The following FANCA variants were observed in gnomAD, a reference collection of about 807,000 sequenced individuals.
The protein encoded by FANCA is FA complementation group A, also known as Fanconi anemia group A protein.
FANCA carries 236 observed loss-of-function variants against 194.3 expected under a neutral mutation model. The observed-to-expected ratio is 1.21, with a 90% confidence interval of 1.09 to 1.35. FANCA has a LOEUF of 1.35. FANCA is among the 40% of genes most tolerant of loss of function. The pLI is 0.00. For synonymous variants in FANCA, 1,014 were observed against 715.8 expected (o/e 1.42, Z -6.65); for missense variants, 2,628 against 1,813.9 (o/e 1.45, Z -8.15).
chr16:89,745,101 G>C (rs775054825), intron 35 of FANCA, 30 bp from the exon 36 acceptor site: 9 of 1,550,496 alleles, frequency 5.8e-6, no homozygotes, highest in East Asian at 2.4e-5. Flanking sequence ...ACACAGATGA[G>C]GGTGGCTGAG....
rs758975148 is a variant in FANCA at position 89,758,658 on chromosome 16, G to C, written c.2900C>G (p.Ser967Cys). Residue 967 changes from serine to cysteine, a missense_variant, in exon 30 of 43, where the codon TCC (serine) becomes TGC (cysteine). Transcript: ENST00000389301. The stretch of plus-strand genomic sequence containing the variant: ...TCCGTCACAGCCCCCTGAAGCCGAG[G>C]ACTCAGGGAGAAAGTGCTCATGGAT... ...WAIHEHFLPE[S>C]SASGGCDGDL... 6.2e-7 allele frequency: 1 copy of C among 1,614,068 alleles called. No homozygotes were observed. The highest frequency in any genetic ancestry group is 8.5e-7 in the Non-Finnish European group (1 of 1,179,954).
Position 89,773,356 on chromosome 16 carries a change from G to C in FANCA, c.1929C>G (p.Pro643=), listed in dbSNP as rs1360940645. Residue 643 remains proline (P), a synonymous_variant, in exon 22 of 43, where the codon CCC becomes CCG. Coordinates refer to ENST00000389301, the MANE Select transcript of FANCA (RefSeq NM_000135.4). ...GTCCCAGGGGCTCCTCAGCAGAGTT[G>C]GGTTCTGCCCTCACTCCCAGGGCTG... The part of the protein sequence containing the change: ...EDAALGVRAE[P]NSAEEPLGQL... 1.2e-5 allele frequency: 18 copies of C among 1,551,396 alleles called. No individual in the cohort carries two copies.
chr16:89,793,126 G>A (rs879399761), intron 11 of FANCA, among the ~76,000 whole-genome samples: 1 of 152,176 alleles, frequency 6.6e-6, no homozygotes, highest in Non-Finnish European at 1.5e-5. Flanking sequence ...CCCTCCACAA[G>A]AGGTGGAGGA....
intron 29 of FANCA, among the ~76,000 whole-genome samples, chr16:89,759,868 T>C (rs1012257040): frequency 6.6e-6 from 1 of 152,036 alleles, no homozygotes; most frequent in Admixed American, 6.5e-5. Context: ...CAAATGTGAG[T>C]GCTAGGGAGT....
chr16:89,814,859 T>G (rs2041039993), intron 2 of FANCA, among the ~76,000 whole-genome samples: 1 of 151,898 alleles, frequency 6.6e-6, no homozygotes, highest in Non-Finnish European at 1.5e-5. Flanking sequence ...GAGAATCACT[T>G]AAACCCGGGA....
At chr16:89,768,448 G>C (rs769375326) in intron 26 of FANCA, among the ~76,000 whole-genome samples, 1 of 152,042 alleles carries the variant, frequency 6.6e-6, no homozygotes, top group East Asian at 1.9e-4. Context: ...TTGAGGTCAG[G>C]AGTTCAAGAC....
chr16:89,778,657 A>AAT, intron 20 of FANCA, 144 bp downstream of exon 20: 1 of 579,108 alleles, frequency 1.7e-6, no homozygotes, highest in South Asian at 2.2e-5. Flanking sequence ...AAAAAAAAAA[A>AAT]GTAACCAACC....
At chr16:89,760,239 T>G (rs954584359) in intron 29 of FANCA, among the ~76,000 whole-genome samples, 1 of 151,630 alleles carries the variant, frequency 6.6e-6, no homozygotes, top group Non-Finnish European at 1.5e-5. Flanking sequence ...GAAACGGGGG[T>G]GAGTGAAGGA....
chr16:89,811,179 A>T, intron 3 of FANCA, 108 bp from the exon 4 acceptor site: 2 of 1,455,080 alleles, frequency 1.4e-6, no homozygotes, highest in South Asian at 2.4e-5. Flanking sequence ...CACAAAAAAA[A>T]TTGCCTTTTA....
In FANCA at chr16:89,810,650, G is replaced by A. The variant is rs2040840758; in HGVS notation, c.522+57C>T. 9.6e-6 allele frequency: 11 copies of A among 1,144,310 alleles called. No individual in the cohort carries two copies. In the South Asian group the frequency reaches 1.3e-4, roughly 14 times the overall value. 70.9% of individuals were successfully genotyped at this position (1,144,310 alleles called of 1,614,324 possible). ...CCAGGTACTCTGTTGCCTCCATCCA[G>A]ATCAACAGAACATTGCCTGGAACAC... On this transcript the variant is annotated intron_variant, in intron 5 of 42. Transcript: ENST00000389301.
intron 39 of FANCA, chr16:89,739,765 C>T (rs1200417465): frequency 1.4e-6 from 2 of 1,476,668 alleles, no homozygotes; most frequent in Non-Finnish European, 1.8e-6. Context: ...GGGTGTGGTG[C>T]AGAGAGAGGC....
intron 32 of FANCA, 109 bp downstream of exon 32, chr16:89,749,621 G>T: frequency 7.3e-7 from 1 of 1,371,586 alleles, no homozygotes; most frequent in Non-Finnish European, 1.0e-6. Flanking sequence ...GGGACACACA[G>T]ACAAGTAAGT....
intron 11 of FANCA, among the ~76,000 whole-genome samples, chr16:89,795,071 G>C (rs1053621176): frequency 6.6e-6 from 1 of 152,174 alleles, no homozygotes; most frequent in Admixed American, 6.6e-5. Context: ...GATTACCTGA[G>C]ATTAGGAGTT....
intron 20 of FANCA, among the ~76,000 whole-genome samples, chr16:89,777,726 C>G (rs761248787): frequency 5.3e-5 from 8 of 152,020 alleles, no homozygotes; most frequent in African/African-American, 1.9e-4. Flanking sequence ...TGTAAGTGAT[C>G]CAAGGATACC....
chr16:89,798,989 C>T (rs559808081), intron 10 of FANCA, 177 bp downstream of exon 10: 26 of 1,613,900 alleles, frequency 1.6e-5, no homozygotes, highest in East Asian at 4.5e-5. Flanking sequence ...CTGACCAGAG[C>T]GTTCCCCGGG....
chr16:89,811,440 A>C (rs958462175), intron 3 of FANCA, among the ~76,000 whole-genome samples: 4 of 152,230 alleles, frequency 2.6e-5, no homozygotes, highest in African/African-American at 9.6e-5. Flanking sequence ...TGTTTTTCTA[A>C]TTACTTCAGA....
chr16:89,761,167 G>A (rs528822117), intron 29 of FANCA, among the ~76,000 whole-genome samples: 1 of 152,252 alleles, frequency 6.6e-6, no homozygotes, highest in East Asian at 1.9e-4. Context: ...CGCCTGTAAT[G>A]CCAGCACTTT....
chr16:89,780,380 G>C (rs539174154), intron 17 of FANCA, among the ~76,000 whole-genome samples: 4 of 152,284 alleles, frequency 2.6e-5, no homozygotes, highest in East Asian at 1.9e-4. Context: ...GCAGTGCTTT[G>C]AGAGGCTAAG....
chr16:89,773,135 G>A (rs999486768), intron 22 of FANCA, 136 bp downstream of exon 22: 4 of 739,704 alleles, frequency 5.4e-6, no homozygotes, highest in Non-Finnish European at 7.0e-6. Context: ...CGCCAGCCCG[G>A]GGTCAATCTT....
Sources: allele counts gnomAD v4.1 joint callset (sites outside exome capture counted in the v4.1 genomes callset), GRCh38; gene constraint gnomAD v4.1.1; transcripts MANE v1.5; gene names NCBI Gene and HGNC (gene_info 2026-07-23, HGNC 2026-07-21).